The following GALNT13 variants were observed in gnomAD, a reference collection of about 807,000 sequenced individuals.
GALNT13 encodes the protein polypeptide N-acetylgalactosaminyltransferase 13, also known as UDP-GalNAc:polypeptide N-acetylgalactosaminyltransferase 13.
GALNT13 carries 28 observed loss-of-function variants against 64.2 expected under a neutral mutation model. The observed-to-expected ratio is 0.44, with a 90% CI of 0.32 to 0.60. GALNT13 has a LOEUF of 0.60. Among genes scored for constraint, GALNT13 ranks in the 20% least tolerant of loss-of-function variants. The pLI, the probability that GALNT13 is intolerant of heterozygous loss-of-function variation, is 0.05. For missense variants in GALNT13, 577 were observed against 669.8 expected (o/e 0.86, Z 1.53); for synonymous variants, 214 against 224.6 (o/e 0.95, Z 0.42).
At chr2:154,401,442 T>C (rs1199470338) in intron 10 of GALNT13, among the ~76,000 whole-genome samples, 2 of 152,164 alleles carry the variant, frequency 1.3e-5, no homozygotes, top group African/African-American at 4.8e-5. Context: ...TCCAAAATTC[T>C]TGGGGACTCA....
chr2:154,112,338 G>A (rs563033274), intron 3 of GALNT13, among the ~76,000 whole-genome samples: 51 of 152,322 alleles, frequency 3.3e-4, no homozygotes, highest in African/African-American at 1.1e-3. Context: ...CCCATTGGGC[G>A]ATAACAGGAA....
chr2:153,938,750 C>A (rs891815630), intron 2 of GALNT13, among the ~76,000 whole-genome samples: 18 of 152,232 alleles, frequency 1.2e-4, no homozygotes, highest in Non-Finnish European at 2.5e-4. Flanking sequence ...CATGGTTTTC[C>A]TGTGTCCTAA....
intron 2 of GALNT13, among the ~76,000 whole-genome samples, chr2:153,913,393 A>C (rs1459770477): frequency 6.6e-6 from 1 of 152,136 alleles, no homozygotes; most frequent in Non-Finnish European, 1.5e-5. Flanking sequence ...CTGTGCACAC[A>C]TGTCCTGTCT....
the GALNT13 span, among the ~76,000 whole-genome samples, chr2:153,856,595 T>C: frequency 6.6e-6 from 1 of 152,086 alleles, no homozygotes; most frequent in Non-Finnish European, 1.5e-5. Context: ...CCGAACTGAA[T>C]GCATAAAATC....
the GALNT13 span, among the ~76,000 whole-genome samples, chr2:153,759,245 A>G: frequency 2.6e-5 from 4 of 152,180 alleles, no homozygotes; most frequent in Admixed American, 6.5e-5. Flanking sequence ...ATCACCAAAC[A>G]TGAACAATTT....
intron 3 of GALNT13, among the ~76,000 whole-genome samples, chr2:154,016,777 A>G (rs1322321066): frequency 6.6e-6 from 1 of 152,246 alleles, no homozygotes; most frequent in Non-Finnish European, 1.5e-5. Flanking sequence ...TAAAACAACT[A>G]GAAAACTGAA....
intron 3 of GALNT13, among the ~76,000 whole-genome samples, chr2:154,023,131 G>A (rs1697657867): frequency 6.6e-6 from 1 of 152,140 alleles, no homozygotes; most frequent in Non-Finnish European, 1.5e-5. Context: ...CAGTTTTGGA[G>A]TAGGTGTTGT....
the GALNT13 span, among the ~76,000 whole-genome samples, chr2:153,700,830 A>C: frequency 3.2e-4 from 48 of 152,294 alleles, no homozygotes; most frequent in Non-Finnish European, 2.1e-4. Context: ...CCACTGCTCA[A>C]GGAAATAAAA....
At chr2:153,371,659 T>G in the GALNT13 span, among the ~76,000 whole-genome samples, 2 of 152,118 alleles carry the variant, frequency 1.3e-5, no homozygotes, top group African/African-American at 4.8e-5. Flanking sequence ...ATAACTTAAA[T>G]TGAGAGATAC....
At chr2:154,192,739 T>C (rs1338341938) in intron 4 of GALNT13, among the ~76,000 whole-genome samples, 1 of 152,214 alleles carries the variant, frequency 6.6e-6, no homozygotes, top group Admixed American at 6.5e-5. Context: ...AAGGCTGATC[T>C]TGAAGGACAA....
the GALNT13 span, among the ~76,000 whole-genome samples, chr2:153,691,250 A>C: frequency 6.6e-6 from 1 of 152,168 alleles, no homozygotes; most frequent in African/African-American, 2.4e-5. Context: ...CACTTATATA[A>C]AGTATAAAAA....
chr2:153,439,451 C>T, the GALNT13 span, among the ~76,000 whole-genome samples: 5 of 152,172 alleles, frequency 3.3e-5, no homozygotes, highest in African/African-American at 1.2e-4. Context: ...CCTCCTTGAG[C>T]TGTGGTGGGC....
At chr2:154,185,846 A>G (rs564706167) in intron 4 of GALNT13, among the ~76,000 whole-genome samples, 3 of 152,180 alleles carry the variant, frequency 2.0e-5, no homozygotes, top group Non-Finnish European at 2.9e-5. Flanking sequence ...GGTACTTTCT[A>G]TACTCTGCCG....
chr2:153,595,278 A>G, the GALNT13 span, among the ~76,000 whole-genome samples: 3 of 151,838 alleles, frequency 2.0e-5, no homozygotes, highest in Non-Finnish European at 4.4e-5. Flanking sequence ...TCACACTCAA[A>G]GTAGATAATA....
intron 9 of GALNT13, among the ~76,000 whole-genome samples, chr2:154,377,537 C>T (rs566729407): frequency 6.6e-6 from 1 of 152,260 alleles, no homozygotes; most frequent in South Asian, 2.1e-4. Flanking sequence ...CGCTCATAGG[C>T]TTTAGTCCAT....
the GALNT13 span, among the ~76,000 whole-genome samples, chr2:153,151,060 G>T: frequency 2.0e-5 from 3 of 152,064 alleles, no homozygotes; most frequent in African/African-American, 7.2e-5. Flanking sequence ...ACCTTGGGCA[G>T]TATGGCCATT....
intron 3 of GALNT13, among the ~76,000 whole-genome samples, chr2:154,024,503 A>G (rs1286463942): frequency 1.3e-5 from 2 of 152,124 alleles, no homozygotes; most frequent in African/African-American, 2.4e-5. Context: ...AGGCGTCTGC[A>G]TTCGTCACGT....
the GALNT13 span, among the ~76,000 whole-genome samples, chr2:153,710,605 T>C: frequency 1.3e-5 from 2 of 152,020 alleles, no homozygotes; most frequent in Non-Finnish European, 2.9e-5. Flanking sequence ...GAATGTATAT[T>C]TTGATTTCCC....
At chr2:153,221,414 T>C in the GALNT13 span, among the ~76,000 whole-genome samples, 1 of 152,156 alleles carries the variant, frequency 6.6e-6, no homozygotes, top group South Asian at 2.1e-4. Context: ...AAATACATCA[T>C]GATAGCACTA....
Sources: allele counts gnomAD v4.1 joint callset (sites outside exome capture counted in the v4.1 genomes callset), GRCh38; gene constraint gnomAD v4.1.1; transcripts MANE v1.5; gene names NCBI Gene and HGNC (gene_info 2026-07-23, HGNC 2026-07-21).